Variants in PRELID2 observed in about 807,000 individuals in gnomAD.
PRELID2 encodes PRELI domain-containing protein 2.
A neutral mutation model predicts 28.4 loss-of-function variants in PRELID2; 25 were observed. The observed-to-expected ratio is 0.88, with a 90% CI of 0.64 to 1.23. The LOEUF is 1.23. Ranked by LOEUF, PRELID2 falls within the 50% of genes most tolerant of loss-of-function variation. The pLI is 0.00. For synonymous variants in PRELID2, 76 were observed against 71.6 expected, an observed-to-expected ratio of 1.06 and a Z score of -0.31; for missense variants, 201 against 214.4, an observed-to-expected ratio of 0.94 and a Z score of 0.39.
chr5:145,461,677 G>A, the PRELID2 span, among the ~76,000 whole-genome samples: 1 of 152,146 alleles, frequency 6.6e-6, no homozygotes, highest in Non-Finnish European at 1.5e-5. Flanking sequence ...GTCTTGGAGT[G>A]TATGTTTAAT....
At chr5:145,633,016 A>C (rs748735238) in intron 1 of PRELID2, among the ~76,000 whole-genome samples, 3 of 152,178 alleles carry the variant, frequency 2.0e-5, no homozygotes, top group South Asian at 2.1e-4. Context: ...GATTAGCCCC[A>C]TTTGAAAGCC....
At chr5:145,536,863 G>C (rs1462877940) in intron 1 of PRELID2, among the ~76,000 whole-genome samples, 1 of 151,786 alleles carries the variant, frequency 6.6e-6, no homozygotes, top group Non-Finnish European at 1.5e-5. Flanking sequence ...AAGGGTGTAG[G>C]TGCATGGAGG....
chr5:145,318,655 G>A, the PRELID2 span, among the ~76,000 whole-genome samples: 20 of 152,210 alleles, frequency 1.3e-4, no homozygotes, highest in African/African-American at 4.8e-4. Context: ...ATGGGCAGCT[G>A]CAGGAACCAG....
chr5:145,549,186 T>C (rs1240538017), intron 1 of PRELID2, among the ~76,000 whole-genome samples: 1 of 152,210 alleles, frequency 6.6e-6, no homozygotes, highest in Non-Finnish European at 1.5e-5. Context: ...GTTACTGCTG[T>C]TGCTCATTAG....
chr5:145,603,639 A>T (rs928855491), intron 1 of PRELID2, among the ~76,000 whole-genome samples: 2 of 152,150 alleles, frequency 1.3e-5, no homozygotes, highest in African/African-American at 4.8e-5. Context: ...GAAAAAGGAT[A>T]AATATACAGG....
chr5:145,817,774 G>A (rs1213740482), intron 4 of PRELID2, 120 bp downstream of exon 4: 1 of 839,776 alleles, frequency 1.2e-6, no homozygotes, highest in East Asian at 3.1e-5. Context: ...AATTAATAAT[G>A]TGGAATTTGT....
At chr5:145,479,983 C>T (rs1752142017) in intron 1 of PRELID2, among the ~76,000 whole-genome samples, 1 of 152,186 alleles carries the variant, frequency 6.6e-6, no homozygotes, top group Non-Finnish European at 1.5e-5. Flanking sequence ...ACTATCACAA[C>T]ATTTAAAACA....
intron 1 of PRELID2, among the ~76,000 whole-genome samples, chr5:145,530,541 A>C (rs1752646867): frequency 6.6e-6 from 1 of 152,028 alleles, no homozygotes. Context: ...ATGAGTAAGG[A>C]GAGCAGCAAC....
At chr5:145,412,112 C>T in the PRELID2 span, among the ~76,000 whole-genome samples, 4 of 152,230 alleles carry the variant, frequency 2.6e-5, no homozygotes, top group South Asian at 2.1e-4. Flanking sequence ...GTCTCTGACA[C>T]GCCCTGGAGA....
At chr5:145,314,803 T>C in the PRELID2 span, among the ~76,000 whole-genome samples, 2 of 152,078 alleles carry the variant, frequency 1.3e-5, no homozygotes, top group South Asian at 2.1e-4. Flanking sequence ...TTGACATTTC[T>C]TTTTATTCAT....
At chr5:145,533,051 A>T (rs910056942) in intron 1 of PRELID2, among the ~76,000 whole-genome samples, 2 of 152,100 alleles carry the variant, frequency 1.3e-5, no homozygotes, top group Admixed American at 6.6e-5. Flanking sequence ...TGGTTTTCAT[A>T]ACAGCTGTAC....
chr5:145,470,518 AT>A (rs1259772904), downstream of PRELID2, among the ~76,000 whole-genome samples: 1 of 152,006 alleles, frequency 6.6e-6, no homozygotes, highest in African/African-American at 2.4e-5. Flanking sequence ...GGTTATTACT[AT>A]TTTCATTTTC....
At chr5:145,331,706 G>T in the PRELID2 span, among the ~76,000 whole-genome samples, 1 of 151,988 alleles carries the variant, frequency 6.6e-6, no homozygotes, top group Non-Finnish European at 1.5e-5. Context: ...ACACTGATGG[G>T]TCTTGAGTCT....
At chr5:145,315,716 T>G in the PRELID2 span, among the ~76,000 whole-genome samples, 45,913 of 151,750 alleles carry the variant, frequency 0.3, 7,412 homozygotes, top group Non-Finnish European at 0.36. Context: ...TAATGAAAAA[T>G]AGTAAAGTAT....
chr5:145,720,997 A>G (rs1229985071), intron 1 of PRELID2, among the ~76,000 whole-genome samples: 3 of 152,110 alleles, frequency 2.0e-5, no homozygotes, highest in African/African-American at 7.2e-5. Flanking sequence ...GAAAGGTTTT[A>G]AAATATTTTT....
chr5:145,700,409 A>G (rs1755379727), intron 1 of PRELID2, among the ~76,000 whole-genome samples: 1 of 152,082 alleles, frequency 6.6e-6, no homozygotes, highest in Admixed American at 6.5e-5. Flanking sequence ...TCAACATGGA[A>G]GATTGATATG....
At chr5:145,733,245 G>A (rs1756398189) in intron 1 of PRELID2, among the ~76,000 whole-genome samples, 1 of 152,076 alleles carries the variant, frequency 6.6e-6, no homozygotes, top group South Asian at 2.1e-4. Flanking sequence ...CTGGAAGACA[G>A]AGTGAGATCT....
chr5:145,505,222 A>G (rs1752398642), intron 1 of PRELID2, among the ~76,000 whole-genome samples: 1 of 152,182 alleles, frequency 6.6e-6, no homozygotes, highest in Admixed American at 6.6e-5. Flanking sequence ...ATAGTCAGGA[A>G]AGAGAAAAAA....
intron 1 of PRELID2, among the ~76,000 whole-genome samples, chr5:145,605,313 A>T (rs565952694): frequency 6.6e-6 from 1 of 152,184 alleles, no homozygotes; most frequent in South Asian, 2.1e-4. Flanking sequence ...TAGGTTTTAC[A>T]TCTATATCTT....
Sources: allele counts gnomAD v4.1 joint callset (sites outside exome capture counted in the v4.1 genomes callset), GRCh38; gene constraint gnomAD v4.1.1; transcripts MANE v1.5; gene names NCBI Gene and HGNC (gene_info 2026-07-23, HGNC 2026-07-21).